The following BRME1 variants were observed in gnomAD, a reference collection of about 807,000 sequenced individuals.
The protein encoded by BRME1 is BRCA2 and MEILB2-associating protein 1.
In BRME1, 31 loss-of-function variants were observed where a neutral mutation model predicts 52.6. That is an observed-to-expected ratio of 0.59 (90% CI 0.44 to 0.80). The LOEUF is 0.80. Ranked by LOEUF, BRME1 falls within the 30% of genes least tolerant of loss-of-function variation. BRME1 has a pLI of 0.00. For missense variants in BRME1, 804 were observed against 860.3 expected (o/e 0.93, Z 0.82); for synonymous variants, 359 against 353.6 (o/e 1.02, Z -0.17).
At chr19:13,903,260 T>C (rs1433266322) in intron 2 of BRME1, among the ~76,000 whole-genome samples, 3 of 152,130 alleles carry the variant, frequency 2.0e-5, no homozygotes, top group African/African-American at 4.8e-5. Context: ...TGGAGGACAT[T>C]TGGGGCTGGA....
chr19:13,901,027 T>G (rs1306410377), intron 2 of BRME1, among the ~76,000 whole-genome samples: 2 of 151,928 alleles, frequency 1.3e-5, no homozygotes, highest in African/African-American at 2.4e-5. Flanking sequence ...CAGGCTGGAG[T>G]GCAGGCGCAA....
intron 6 of BRME1, among the ~76,000 whole-genome samples, chr19:13,886,361 C>A (rs1969020816): frequency 6.6e-6 from 1 of 152,258 alleles, no homozygotes; most frequent in Non-Finnish European, 1.5e-5. Context: ...GGGGGCACCA[C>A]TGTGCCATGA....
intron 2 of BRME1, among the ~76,000 whole-genome samples, chr19:13,899,801 G>A (rs1163212204): frequency 6.6e-6 from 1 of 152,152 alleles, no homozygotes; most frequent in African/African-American, 2.4e-5. Context: ...AGGAGTTCAA[G>A]ACCAGCCTGG....
chr19:13,902,375 T>G (rs1280729542), intron 2 of BRME1, among the ~76,000 whole-genome samples: 1 of 151,812 alleles, frequency 6.6e-6, no homozygotes, highest in Non-Finnish European at 1.5e-5. Context: ...GGCTCATGCC[T>G]GTAATCCCAG....
In BRME1 at chr19:13,889,503, C is replaced by G. The variant is rs749441204; in HGVS notation, c.1353G>C (p.Glu451Asp). ...CGGCTTCCTCTTGAGCAGGACCTGG[C>G]TCCTGCTTCTGATTGACACATGGAC... ...DTGPCVNQKQEPGPAQEEAEL... is the reference protein window; with the variant it reads ...DTGPCVNQKQDPGPAQEEAEL... The change falls in exon 6 of 9, where the codon GAG becomes GAC. Residue 451 changes from glutamate (E) to aspartate (D), a missense_variant. Physicochemically the swap from Glu to Asp is conservative, Grantham distance 45. Around this residue, in one of 3 missense-constraint regions of BRME1, gnomAD observed 552 missense variants for 561.1 expected, o/e 0.98. Transcript: ENST00000586783. The G allele has an allele frequency of 1.6e-5, 26 of 1,613,910 alleles. No homozygotes were observed. Among genetic ancestry groups the G allele is most frequent in the Non-Finnish European group, 2.1e-5 (25 of 1,180,022 alleles).
Position 13,892,881 on chromosome 19 carries a change from C to CGAATGAGTTCTGTA in BRME1, c.289-5_297dup (p.Gly100TyrfsTer19), listed in dbSNP as rs751183937. The CGAATGAGTTCTGTA allele has an allele frequency of 6.2e-7, 1 of 1,612,444 alleles. No homozygotes were observed. Among genetic ancestry groups the CGAATGAGTTCTGTA allele is most frequent in the Non-Finnish European group, 8.5e-7 (1 of 1,178,584 alleles). ...TTTGCAAACTGGGGAACAAACCTCCCGAATGAGTTCTGTAAACCGGATACA... is the reference window on the plus strand; with the variant it reads ...TTTGCAAACTGGGGAACAAACCTCCCGAATGAGTTCTGTAGAATGAGTTCTGTAAACCGGATACA... On this transcript the variant is annotated frameshift_variant, in exon 5 of 9. Transcript: ENST00000586783. LOFTEE classifies it high-confidence loss of function.
rs1229821460 is a variant in BRME1 at position 13,890,038 on chromosome 19, C to A, written c.818G>T (p.Gly273Val). The A allele has an allele frequency of 6.2e-7, 1 of 1,613,440 alleles. No homozygotes were observed. Among genetic ancestry groups the A allele is most frequent in the South Asian group, 1.1e-5 (1 of 91,082 alleles). ...TGCTGGGGTACAGGGGACACCGTCT[C>A]CCTCCTCCTGGGGCCCTCCAGGCAG... ...AGLPGGPQEEGDGVPCTPASA... is the reference protein window; with the variant it reads ...AGLPGGPQEEVDGVPCTPASA... The change falls in exon 6 of 9, where the codon GGA (glycine) becomes GTA (valine). Residue 273 changes from glycine (G) to valine (V), a missense_variant. Coordinates refer to ENST00000586783, the MANE Select transcript of BRME1 (RefSeq NM_001345843.2).
intron 6 of BRME1, among the ~76,000 whole-genome samples, chr19:13,887,827 A>C (rs1306829533): frequency 2.0e-5 from 3 of 149,508 alleles, no homozygotes; most frequent in Admixed American, 6.7e-5. Context: ...GCAGTGGTGT[A>C]ATCTCGGCTC....
rs1385410993 is a variant in BRME1 at position 13,883,256 on chromosome 19, C to T, written c.1856+52G>A. The T allele has an allele frequency of 2.1e-6, 3 of 1,457,714 alleles. No homozygotes were observed. The highest frequency in any genetic ancestry group is 4.0e-5 in the Admixed American group (2 of 50,066). The allele number at this position is 1,457,714 out of a possible 1,614,324, so 90.3% of individuals were successfully genotyped here. A position where few individuals can be genotyped will look rare whatever the true frequency, so the allele number is the denominator to read the frequency against. On this transcript the variant is annotated intron_variant, in intron 8 of 8. Coordinates refer to ENST00000586783, the MANE Select transcript of BRME1 (RefSeq NM_001345843.2). This position sits in a 1 kb window ranked among gnomAD's most constrained non-coding sequence, Gnocchi z 4.2. Reference sequence around the variant, plus strand: ...TCAGTCCCTCCCTGCTCCTCTGAGTCCCCACTGGCCTCCCGCAGACCCTGT... The same window carrying T: ...TCAGTCCCTCCCTGCTCCTCTGAGTTCCCACTGGCCTCCCGCAGACCCTGT...
Position 13,889,994 on chromosome 19 carries a change from G to C in BRME1, c.862C>G (p.Pro288Ala), listed in dbSNP as rs1969352244. The change falls in exon 6 of 9, where the codon CCT (proline) becomes GCT (alanine). Residue 288 changes from proline to alanine, a missense_variant. By Grantham distance (27) the Pro-to-Ala change is conservative. Around this residue, in one of 3 missense-constraint regions of BRME1, gnomAD observed 552 missense variants for 561.1 expected, o/e 0.98. Coordinates refer to ENST00000586783, the MANE Select transcript of BRME1 (RefSeq NM_001345843.2). ...GAGGCAGGGCCCAGTCCTGGAGCAG[G>C]GCCTGAGGTAGGAGCTGATGCTGGG... Reference protein sequence around the residue: ...CTPASAPTSGPAPGLGPASWC... With the variant: ...CTPASAPTSGAAPGLGPASWC... 4 of 1,613,004 alleles carry C rather than the reference G, an allele frequency of 2.5e-6. No individual in the cohort carries two copies. In the African/African-American group the frequency reaches 5.3e-5, roughly 21 times the overall value.
chr19:13,893,265 G>A (rs1969647330), intron 3 of BRME1, 42 bp from the exon 4 acceptor site: 1 of 1,524,586 alleles, frequency 6.6e-7, no homozygotes, highest in South Asian at 1.2e-5. Flanking sequence ...CTGCCCGGGT[G>A]CGGTGGCTCA....
At chr19:13,905,031 C>T (rs1054226053) in intron 1 of BRME1, 118 bp from the exon 2 acceptor site, 7 of 789,068 alleles carry the variant, frequency 8.9e-6, no homozygotes, top group Non-Finnish European at 1.3e-5. Flanking sequence ...TTGGCTGCCC[C>T]AGGGGTCAGA....
Position 13,882,819 on chromosome 19 carries a change from G to T in BRME1, c.1990C>A (p.Pro664Thr). ...AAAGTGGCCTACAACTCCCTCCAGG[G>T]TGGGTCCCCTCGAGGGATATTCCCA... ...GPGNIPRGDP[P>T]WREL Residue 664 changes from proline (P) to threonine (T), a missense_variant, in exon 9 of 9, where the codon CCC becomes ACC. Around this residue, in one of 3 missense-constraint regions of BRME1, gnomAD observed 552 missense variants for 561.1 expected, o/e 0.98. Coordinates refer to ENST00000586783, the MANE Select transcript of BRME1 (RefSeq NM_001345843.2). 6.2e-7 allele frequency: 1 copy of T among 1,613,980 alleles called. No individual in the cohort carries two copies. Among genetic ancestry groups the T allele is most frequent in the Non-Finnish European group, 8.5e-7 (1 of 1,179,960 alleles).
In BRME1 at chr19:13,890,009, C is replaced by G; in HGVS notation, c.847G>C (p.Ala283Pro). 6.2e-7 allele frequency: 1 copy of G among 1,613,236 alleles called. No individual in the cohort carries two copies. The highest frequency in any genetic ancestry group is 8.5e-7 in the Non-Finnish European group (1 of 1,179,990). Residue 283 changes from alanine to proline, a missense_variant, in exon 6 of 9, where the codon GCT (alanine) becomes CCT (proline). By Grantham distance (27) the Ala-to-Pro change is conservative. Transcript: ENST00000586783. Reference protein sequence around the residue: ...GDGVPCTPASAPTSGPAPGLG... With the variant: ...GDGVPCTPASPPTSGPAPGLG... ...CCTGGAGCAGGGCCTGAGGTAGGAG[C>G]TGATGCTGGGGTACAGGGGACACCG...
At chr19:13,887,565 T>G (rs1050904544) in intron 6 of BRME1, among the ~76,000 whole-genome samples, 1 of 152,150 alleles carries the variant, frequency 6.6e-6, no homozygotes, top group African/African-American at 2.4e-5. Context: ...CCAAACACCT[T>G]AACCATTTCC....
At chr19:13,899,672 C>T (rs888486397) in intron 2 of BRME1, among the ~76,000 whole-genome samples, 2 of 152,164 alleles carry the variant, frequency 1.3e-5, no homozygotes, top group African/African-American at 4.8e-5. Context: ...TGTACCACCA[C>T]AAGTAAAGCT....
At chr19:13,887,698 C>T (rs762467339) in intron 6 of BRME1, among the ~76,000 whole-genome samples, 35 of 152,182 alleles carry the variant, frequency 2.3e-4, no homozygotes, top group Non-Finnish European at 4.0e-4. Flanking sequence ...TTCAGCTGTG[C>T]CCAGCACCAG....
At chr19:13,904,743 C>T in intron 2 of BRME1, 119 bp downstream of exon 2, 1 of 1,110,562 alleles carries the variant, frequency 9.0e-7, no homozygotes, top group Non-Finnish European at 1.4e-6. Flanking sequence ...CCCGGCCAAT[C>T]CTTGCTTCCT....
Position 13,882,358 on chromosome 19 carries a change from T to G in BRME1, c.*444A>C. The G allele has an allele frequency of 2.5e-6, 1 of 399,958 alleles. No homozygotes were observed. The highest frequency in any genetic ancestry group is 4.4e-6 in the Non-Finnish European group (1 of 226,762). 24.8% of individuals were successfully genotyped at this position (399,958 alleles called of 1,614,324 possible). A position where few individuals can be genotyped will look rare whatever the true frequency, so the allele number is the denominator to read the frequency against. On this transcript the variant is annotated 3_prime_UTR_variant, in exon 9 of 9. Coordinates refer to ENST00000586783, the MANE Select transcript of BRME1 (RefSeq NM_001345843.2). ...GCCCCAAACAGCAGGTCACGGGGCC[T>G]CTACAGAATCATTTATTATGGGTCT...
Sources: gnomAD v4.1 joint callset for allele counts (sites outside exome capture counted in the v4.1 genomes callset) on GRCh38, gnomAD v4.1.1 for gene constraint, gnomAD v4.1.1 regional missense constraint, Gnocchi (gnomAD v3.1) non-coding constraint, MANE v1.5 for transcripts, NCBI Gene and HGNC (gene_info 2026-07-23, HGNC 2026-07-21) for gene names.